CD302: variants seen among roughly 807,000 people sequenced by gnomAD.
The protein encoded by CD302 is CD302 molecule, also known as CD302 antigen.
Under a neutral mutation model 26.5 loss-of-function variants are expected in CD302, and 23 were observed. That is an observed-to-expected ratio of 0.87 (90% CI 0.62 to 1.23). CD302 has a LOEUF of 1.23. CD302 is among the 50% of genes most tolerant of loss of function. The probability of loss-of-function intolerance (pLI) is 0.00; values close to 1 mark genes in which losing one functional copy is unlikely to be tolerated. For synonymous variants in CD302, 90 were observed against 99.4 expected (o/e 0.91, Z 0.56); for missense variants, 290 against 275.5 (o/e 1.05, Z -0.37).
In CD302 at chr2:159,780,929, C is replaced by A; in HGVS notation, c.248G>T (p.Trp83Leu). The A allele has an allele frequency of 6.2e-7, 1 of 1,613,630 alleles. No individual in the cohort carries two copies. Among genetic ancestry groups the A allele is most frequent in the Non-Finnish European group, 8.5e-7 (1 of 1,179,910 alleles). ...TAGTAGGATATCATCTGGGCCTTTC[C>A]ATTGCTTTTTCAAAGTATCCAGTAT... Reference protein sequence around the residue: ...AFILDTLKKQWKGPDDILLGM... With the variant: ...AFILDTLKKQLKGPDDILLGM... The change falls in exon 3 of 6, where the codon TGG (tryptophan) becomes TTG (leucine). Residue 83 changes from tryptophan to leucine, a missense_variant. Physicochemically the swap from Trp to Leu is moderately conservative, Grantham distance 61. Coordinates refer to ENST00000259053, the MANE Select transcript of CD302 (RefSeq NM_014880.5).
intron 1 of CD302, among the ~76,000 whole-genome samples, chr2:159,786,863 C>T (rs960717069): frequency 3.3e-5 from 5 of 152,004 alleles, no homozygotes; most frequent in African/African-American, 1.2e-4. Flanking sequence ...AGGAACAGAA[C>T]ATTAACCCCT....
intron 1 of CD302, among the ~76,000 whole-genome samples, chr2:159,792,322 T>C (rs1708827907): frequency 2.0e-5 from 3 of 152,168 alleles, no homozygotes; most frequent in Admixed American, 2.0e-4. Flanking sequence ...TATGCAATGC[T>C]TCATACAATC....
intron 2 of CD302, among the ~76,000 whole-genome samples, chr2:159,781,852 T>TCC (rs1228635473): frequency 6.7e-6 from 1 of 150,184 alleles, no homozygotes; most frequent in African/African-American, 2.5e-5. Context: ...ATAAGATTAA[T>TCC]AACTTTGGTG....
intron 5 of CD302, among the ~76,000 whole-genome samples, chr2:159,775,437 A>G (rs7590617): frequency 0.5 from 76,096 of 151,886 alleles, 19,388 homozygotes; most frequent in Middle Eastern, 0.64. Context: ...GTGTATCTTT[A>G]TTTTTTCCAA....
intron 1 of CD302, among the ~76,000 whole-genome samples, chr2:159,797,887 G>A (rs1682509523): frequency 6.6e-6 from 1 of 152,214 alleles, no homozygotes; most frequent in African/African-American, 2.4e-5. Flanking sequence ...CGGTGAGGAT[G>A]TGGACTCCGA....
intron 1 of CD302, among the ~76,000 whole-genome samples, chr2:159,787,160 G>C (rs1708688905): frequency 6.6e-6 from 1 of 152,180 alleles, no homozygotes; most frequent in East Asian, 1.9e-4. Context: ...TGTAGAAGTA[G>C]ATTGCTGGGG....
intron 1 of CD302, among the ~76,000 whole-genome samples, chr2:159,787,505 T>G (rs1446753244): frequency 6.6e-6 from 1 of 152,154 alleles, no homozygotes; most frequent in African/African-American, 2.4e-5. Context: ...GTAGCTACCC[T>G]GAAAATTATA....
intron 1 of CD302, among the ~76,000 whole-genome samples, chr2:159,794,315 A>AAC (rs979068695): frequency 1.6e-5 from 2 of 121,944 alleles, no homozygotes; most frequent in Non-Finnish European, 3.7e-5. Flanking sequence ...TAAAAAAAAA[A>AAC]ACACTAAATA....
At position 159,771,739 on chromosome 2, in the gene CD302, A is replaced by G. The variant is rs1708151690; in HGVS notation, c.*112T>C. 3 of 1,208,508 alleles carry G rather than the reference A, an allele frequency of 2.5e-6. No homozygotes were observed. The Admixed American group carries it at 7.3e-5, about 29-fold the overall frequency. The allele number at this position is 1,208,508 out of a possible 1,614,324, so 74.9% of individuals were successfully genotyped here. A position where few individuals can be genotyped will look rare whatever the true frequency, so the allele number is the denominator to read the frequency against. Reference sequence around the variant, plus strand: ...AGTACATAAAAATGTTACTGGAATAAGGAATACCATTAAAGCTCTAATATC... The same window carrying G: ...AGTACATAAAAATGTTACTGGAATAGGGAATACCATTAAAGCTCTAATATC... On this transcript the variant is annotated 3_prime_UTR_variant, in exon 6 of 6. Transcript: ENST00000259053.
intron 5 of CD302, among the ~76,000 whole-genome samples, chr2:159,775,246 G>A (rs979063342): frequency 9.2e-5 from 14 of 152,230 alleles, no homozygotes; most frequent in Admixed American, 9.2e-4. Flanking sequence ...GACACATAGT[G>A]TTTACTCACT....
chr2:159,777,099 A>AAGTT (rs762514431), intron 5 of CD302, among the ~76,000 whole-genome samples: 5 of 151,116 alleles, frequency 3.3e-5, no homozygotes, highest in Non-Finnish European at 5.9e-5. Context: ...TGTACAAAAA[A>AAGTT]AGTTAGCTGG....
Position 159,780,755 on chromosome 2 carries a change from A to G in CD302, c.295+127T>C, listed in dbSNP as rs114803321. ...AGCTGTGGTATGATCATAGGTGCAC[A>G]CTGAAAATTTAACACCTGGAGGCCA... is the stretch of plus-strand genomic sequence containing the variant. On this transcript the variant is annotated intron_variant, in intron 3 of 5. Transcript: ENST00000259053. 7.1e-4 allele frequency: 584 copies of G among 822,914 alleles called. 1 individual carries two copies. The African/African-American group carries it at 9.2e-3, about 13-fold the overall frequency. The allele number at this position is 822,914 out of a possible 1,614,324, so 51.0% of individuals were successfully genotyped here.
rs912210543 is a variant in CD302, at chr2:159,769,600, C to A, written c.*2251G>T. ...GGCGGAGATTGGAGAGAGCCAAGAT[C>A]GAGCCACTGCACTGTAGCCTGGGCA... On this transcript the variant is annotated 3_prime_UTR_variant, in exon 6 of 6. Coordinates refer to ENST00000259053, the MANE Select transcript of CD302 (RefSeq NM_014880.5). The A allele has an allele frequency of 2.6e-5, 4 of 151,910 alleles. No individual in the cohort carries two copies. The highest frequency in any genetic ancestry group is 7.3e-5 in the African/African-American group (3 of 41,296). The allele number at this position is 151,910 out of a possible 1,614,324, so 9.4% of individuals were successfully genotyped here.
chr2:159,781,621 A>G (rs1440945241), intron 2 of CD302: 1 of 151,856 alleles, frequency 6.6e-6, no homozygotes, highest in African/African-American at 2.4e-5. Context: ...GAAAAGAGGA[A>G]GAAGAAAAAG....
At chr2:159,794,299 AAATAAT>A (rs1708886754) in intron 1 of CD302, among the ~76,000 whole-genome samples, 4 of 47,464 alleles carry the variant, frequency 8.4e-5, no homozygotes, top group Non-Finnish European at 1.5e-4. Context: ...AAATAAAATA[AAATAAT>A]AAAAAAAAAA....
chr2:159,793,507 A>G (rs1453008948), intron 1 of CD302, among the ~76,000 whole-genome samples: 2 of 152,110 alleles, frequency 1.3e-5, no homozygotes, highest in Non-Finnish European at 2.9e-5. Flanking sequence ...TTAACAAAGG[A>G]AAAGGGAAAG....
intron 1 of CD302, among the ~76,000 whole-genome samples, chr2:159,787,035 A>C (rs1333785583): frequency 2.0e-5 from 3 of 152,222 alleles, no homozygotes; most frequent in Non-Finnish European, 4.4e-5. Context: ...ATTTTATTTA[A>C]GACTTATCTA....
chr2:159,785,296 AT>A (rs1012759087), intron 1 of CD302, among the ~76,000 whole-genome samples: 2 of 151,484 alleles, frequency 1.3e-5, no homozygotes, highest in African/African-American at 4.9e-5. Context: ...TTATATCCAA[AT>A]TTTTTTTCCT....
At chr2:159,796,823 A>C (rs372842231) in intron 1 of CD302, among the ~76,000 whole-genome samples, 28 of 152,356 alleles carry the variant, frequency 1.8e-4, no homozygotes, top group African/African-American at 5.0e-4. Flanking sequence ...CTGACAAGAA[A>C]GAAAAATCTG....
Sources: allele counts gnomAD v4.1 joint callset (sites outside exome capture counted in the v4.1 genomes callset), GRCh38; gene constraint gnomAD v4.1.1; transcripts MANE v1.5; gene names NCBI Gene and HGNC (gene_info 2026-07-23, HGNC 2026-07-21).